Variants in LRCH3 observed in about 807,000 individuals in gnomAD.
LRCH3 encodes leucine rich repeats and calponin homology domain containing 3, also known as DISP complex protein LRCH3.
In LRCH3, 68 loss-of-function variants were observed where a neutral mutation model predicts 104.5. That is an observed-to-expected ratio of 0.65 (90% CI 0.54 to 0.80). The LOEUF is 0.80. Among genes scored for constraint, LRCH3 ranks in the 30% least tolerant of loss-of-function variants. The pLI, the probability that LRCH3 is intolerant of heterozygous loss-of-function variation, is 0.00. For synonymous variants in LRCH3, 344 were observed against 361.3 expected (o/e 0.95, Z 0.54); for missense variants, 951 against 953.9 (o/e 1.00, Z 0.04).
intron 4 of LRCH3, among the ~76,000 whole-genome samples, chr3:197,821,708 C>T (rs1734511341): frequency 6.6e-6 from 1 of 152,198 alleles, no homozygotes; most frequent in South Asian, 2.1e-4. Flanking sequence ...GGGTCTCACT[C>T]CCATTACTCA....
chr3:197,795,001 C>A (rs1464224899), intron 1 of LRCH3, among the ~76,000 whole-genome samples: 4 of 148,274 alleles, frequency 2.7e-5, no homozygotes, highest in African/African-American at 2.5e-5. Context: ...TAAGTGCTGT[C>A]TTAAAAAAAA....
intron 5 of LRCH3, among the ~76,000 whole-genome samples, chr3:197,827,818 C>T (rs1314180624): frequency 1.3e-5 from 2 of 151,714 alleles, no homozygotes; most frequent in Non-Finnish European, 2.9e-5. Context: ...GTGGCTCATG[C>T]CTGTAATTCC....
At chr3:197,803,537 C>T (rs1005427942) in intron 1 of LRCH3, among the ~76,000 whole-genome samples, 11 of 152,166 alleles carry the variant, frequency 7.2e-5, no homozygotes, top group East Asian at 3.9e-4. Context: ...TGGTGATTTG[C>T]GCCTGTAATC....
At chr3:197,827,141 T>C (rs1735305762) in intron 5 of LRCH3, 127 bp downstream of exon 5, 1 of 1,460,470 alleles carries the variant, frequency 6.8e-7, no homozygotes, top group African/African-American at 1.4e-5. Flanking sequence ...TAAACCACAG[T>C]GGAAGCATCA....
chr3:197,872,936 C>G (rs1462176991), intron 19 of LRCH3, among the ~76,000 whole-genome samples: 4 of 152,130 alleles, frequency 2.6e-5, no homozygotes, highest in African/African-American at 9.7e-5. Flanking sequence ...AGATAACAAG[C>G]CGGGACTAAA....
intron 1 of LRCH3, among the ~76,000 whole-genome samples, chr3:197,808,092 C>T (rs896706260): frequency 3.9e-5 from 6 of 152,098 alleles, no homozygotes; most frequent in African/African-American, 1.4e-4. Context: ...TCAGTATCTG[C>T]GATTGTGTTT....
intron 19 of LRCH3, among the ~76,000 whole-genome samples, chr3:197,874,085 G>A (rs944360158): frequency 3.3e-5 from 5 of 150,458 alleles, no homozygotes; most frequent in African/African-American, 1.2e-4. Flanking sequence ...ACATTTAAAT[G>A]ATGAACTATG....
chr3:197,819,519 C>T (rs887059235), intron 3 of LRCH3, among the ~76,000 whole-genome samples: 3 of 151,780 alleles, frequency 2.0e-5, no homozygotes, highest in African/African-American at 7.3e-5. Context: ...AGTTCGAGAC[C>T]AGCCTGGTCA....
At chr3:197,875,018 G>A (rs1712707179) in intron 19 of LRCH3, among the ~76,000 whole-genome samples, 1 of 145,576 alleles carries the variant, frequency 6.9e-6, no homozygotes, top group South Asian at 2.1e-4. Flanking sequence ...TGCCTCCCGG[G>A]TTCCCGGGTT....
chr3:197,851,014 A>C, intron 12 of LRCH3: 1 of 769,894 alleles, frequency 1.3e-6, no homozygotes, highest in Non-Finnish European at 2.4e-6. Flanking sequence ...TTTATGAACA[A>C]GGAAACACGC....
intron 12 of LRCH3, chr3:197,851,076 T>G (rs1739530287): frequency 1.6e-6 from 1 of 620,972 alleles, no homozygotes; most frequent in Non-Finnish European, 3.0e-6. Context: ...GTGGCAGGAT[T>G]AAAATCCTGT....
intron 1 of LRCH3, among the ~76,000 whole-genome samples, chr3:197,804,854 A>G (rs115256208): frequency 0.011 from 1,627 of 151,946 alleles, 22 homozygotes; most frequent in African/African-American, 0.037. Flanking sequence ...GACATTTCCA[A>G]TAGAATCTAT....
At chr3:197,831,015 A>C (rs1406014904) in intron 7 of LRCH3, 152 bp downstream of exon 7, 2 of 615,962 alleles carry the variant, frequency 3.2e-6, no homozygotes, top group Non-Finnish European at 5.6e-6. Context: ...TCTCCAGCAG[A>C]ATTGGCATTC....
intron 12 of LRCH3, 160 bp downstream of exon 12, chr3:197,848,181 G>C (rs933500630): frequency 3.1e-6 from 2 of 648,126 alleles, no homozygotes; most frequent in African/African-American, 3.7e-5. Context: ...GTGTCTATCT[G>C]CATGAGGACA....
intron 1 of LRCH3, among the ~76,000 whole-genome samples, chr3:197,797,327 C>CAAAA (rs3085302): frequency 0.035 from 2,470 of 70,918 alleles, 218 homozygotes; most frequent in Non-Finnish European, 0.042. Flanking sequence ...AACTCCATCT[C>CAAAA]AAAAAAAAAA....
At chr3:197,845,529 G>T (rs555355300) in intron 10 of LRCH3, among the ~76,000 whole-genome samples, 1 of 152,036 alleles carries the variant, frequency 6.6e-6, no homozygotes, top group Non-Finnish European at 1.5e-5. Context: ...TTTCGGGGGA[G>T]GGTGCTACTG....
chr3:197,821,603 A>C (rs765835202), intron 4 of LRCH3, among the ~76,000 whole-genome samples: 1 of 152,184 alleles, frequency 6.6e-6, no homozygotes, highest in East Asian at 1.9e-4. Context: ...AAAACAAGGA[A>C]TCTTCTCAAG....
At chr3:197,845,443 G>A (rs1320151530) in intron 10 of LRCH3, among the ~76,000 whole-genome samples, 1 of 151,230 alleles carries the variant, frequency 6.6e-6, no homozygotes, top group Non-Finnish European at 1.5e-5. Flanking sequence ...AAGAAACATA[G>A]GTAGAAAGAA....
chr3:197,847,951 C>G lies in LRCH3; in HGVS notation c.1460C>G (p.Ala487Gly), dbSNP rs1738998486. The part of the protein sequence containing the change: ...ERTRREAQLA[A>G]LQYEEEKIRT... ...ACTCGGAGAGAGGCTCAGCTTGCTG[C>G]CCTGCAGTATGAGGAGGAGAAAATA... is the stretch of plus-strand genomic sequence containing the variant. Residue 487 changes from alanine (A) to glycine (G), a missense_variant, in exon 12 of 21, where the codon GCC becomes GGC. Transcript: ENST00000425562. 1.2e-6 allele frequency: 2 copies of G among 1,614,044 alleles called. No individual in the cohort carries two copies. The highest frequency in any genetic ancestry group is 2.2e-5 in the South Asian group (2 of 91,072).
Sources: allele counts gnomAD v4.1 joint callset (sites outside exome capture counted in the v4.1 genomes callset), GRCh38; gene constraint gnomAD v4.1.1; transcripts MANE v1.5; gene names NCBI Gene and HGNC (gene_info 2026-07-23, HGNC 2026-07-21).